The following HIVEP1 variants were observed in gnomAD, a reference collection of about 807,000 sequenced individuals.
HIVEP1 encodes HIVEP zinc finger 1.
Under a neutral mutation model 180.0 loss-of-function variants are expected in HIVEP1, and 36 were observed. That is an observed-to-expected ratio of 0.20 (90% CI 0.15 to 0.26). HIVEP1 has a LOEUF of 0.26. Among genes scored for constraint, HIVEP1 ranks in the 10% least tolerant of loss-of-function variants. The probability of loss-of-function intolerance (pLI) is 1.00; values close to 1 mark genes in which losing one functional copy is unlikely to be tolerated. For synonymous variants in HIVEP1, 1,239 were observed against 1,239.0 expected, an observed-to-expected ratio of 1.00 and a Z score of 0.00; for missense variants, 3,143 against 3,268.7, an observed-to-expected ratio of 0.96 and a Z score of 0.94.
intron 3 of HIVEP1, among the ~76,000 whole-genome samples, chr6:12,108,253 G>T (rs12216358): frequency 1.5e-4 from 23 of 152,002 alleles, no homozygotes; most frequent in African/African-American, 2.7e-4. Flanking sequence ...GCCGATTGGT[G>T]TATTTACAAT....
intron 2 of HIVEP1, among the ~76,000 whole-genome samples, chr6:12,070,811 C>T (rs75662687): frequency 0.15 from 22,661 of 152,140 alleles, 2,220 homozygotes; most frequent in Non-Finnish European, 0.22. Flanking sequence ...TTTAGGTTAC[C>T]GTTTATTTCC....
At chr6:12,181,596 T>C in the HIVEP1 span, among the ~76,000 whole-genome samples, 1 of 151,976 alleles carries the variant, frequency 6.6e-6, no homozygotes, top group Non-Finnish European at 1.5e-5. Flanking sequence ...GCTTATAAAC[T>C]CTATCAGATC....
intron 3 of HIVEP1, among the ~76,000 whole-genome samples, chr6:12,115,136 G>C (rs1209870130): frequency 1.3e-5 from 2 of 152,118 alleles, no homozygotes; most frequent in Non-Finnish European, 2.9e-5. Context: ...TGGCAACTAA[G>C]ATGCACTCTT....
At chr6:12,210,538 G>GA in the HIVEP1 span, among the ~76,000 whole-genome samples, 1 of 152,048 alleles carries the variant, frequency 6.6e-6, no homozygotes, top group South Asian at 2.1e-4. Flanking sequence ...TAAAAAAATA[G>GA]AAAAAAATCT....
chr6:12,160,253 C>G (rs1366316881), intron 7 of HIVEP1, among the ~76,000 whole-genome samples: 1 of 152,128 alleles, frequency 6.6e-6, no homozygotes, highest in African/African-American at 2.4e-5. Flanking sequence ...AAACTATTTC[C>G]TGGATCATCT....
At chr6:12,176,149 T>G in the HIVEP1 span, among the ~76,000 whole-genome samples, 1 of 152,114 alleles carries the variant, frequency 6.6e-6, no homozygotes, top group Non-Finnish European at 1.5e-5. Flanking sequence ...CTGAGTGACA[T>G]TGTTAAGCAG....
chr6:12,203,092 T>C, the HIVEP1 span, among the ~76,000 whole-genome samples: 1 of 152,228 alleles, frequency 6.6e-6, no homozygotes, highest in Admixed American at 6.5e-5. Flanking sequence ...CATTTTGTGG[T>C]TGGACTCTAA....
chr6:12,179,346 A>G, the HIVEP1 span, among the ~76,000 whole-genome samples: 1 of 151,716 alleles, frequency 6.6e-6, no homozygotes, highest in African/African-American at 2.4e-5. Flanking sequence ...CTCACCTCCT[A>G]TCATTTTTTG....
intron 2 of HIVEP1, among the ~76,000 whole-genome samples, chr6:12,023,389 A>G (rs1253472288): frequency 6.6e-6 from 1 of 152,190 alleles, no homozygotes; most frequent in African/African-American, 2.4e-5. Context: ...TTCACATTTG[A>G]ATGTTAGGTC....
Position 12,063,132 on chromosome 6 carries a change from AAGG to A in HIVEP1, c.41-26047_41-26045del, listed in dbSNP as rs1277024366. Among the ~76,000 whole-genome samples, 10 of 152,362 alleles carry A rather than the reference AAGG, an allele frequency of 6.6e-5. No homozygotes were observed. Among genetic ancestry groups the A allele is most frequent in the South Asian group, 4.1e-4 (2 of 4,834 alleles). The stretch of plus-strand genomic sequence containing the variant: ...TTTTTGGAAATAGTTAATAGAATAA[AAGG>A]AGGAATAAAGAGGATATGATTAAAG... On this transcript the variant is annotated intron_variant, in intron 2 of 8. Coordinates refer to ENST00000379388, the MANE Select transcript of HIVEP1 (RefSeq NM_002114.4). This position sits in a 1 kb window ranked among gnomAD's most constrained non-coding sequence, Gnocchi z 4.2.
chr6:12,196,949 A>T, the HIVEP1 span, among the ~76,000 whole-genome samples: 3 of 152,234 alleles, frequency 2.0e-5, no homozygotes, highest in African/African-American at 7.2e-5. Flanking sequence ...AATGAGGAAT[A>T]AAAAATGTAT....
the HIVEP1 span, among the ~76,000 whole-genome samples, chr6:12,176,275 C>T: frequency 6.6e-6 from 1 of 150,972 alleles, no homozygotes; most frequent in Non-Finnish European, 1.5e-5. Context: ...CTCTTGTCCC[C>T]CAGGCTGGAG....
At position 12,033,400 on chromosome 6, in the gene HIVEP1, A is replaced by C. The variant is rs1025640700; in HGVS notation, c.40+17732A>C. Among the ~76,000 whole-genome samples, 15 of 152,010 alleles carry C rather than the reference A, an allele frequency of 9.9e-5. 1 individual carries two copies. Among genetic ancestry groups the C allele is most frequent in the African/African-American group, 3.4e-4 (14 of 41,372 alleles). ...TACAATGAGAGACAGTAGCATTGTT[A>C]TGTCGACATTCTCAGGCCATGATTA... On this transcript the variant is annotated intron_variant, in intron 2 of 8. Coordinates refer to ENST00000379388, the MANE Select transcript of HIVEP1 (RefSeq NM_002114.4).
chr6:12,040,270 A>G (rs1241316070), intron 2 of HIVEP1, among the ~76,000 whole-genome samples: 5 of 152,168 alleles, frequency 3.3e-5, no homozygotes, highest in African/African-American at 1.2e-4. Context: ...AGGTGGTGCA[A>G]ATCTTTTATG....
chr6:12,211,009 G>A, the HIVEP1 span, among the ~76,000 whole-genome samples: 2 of 151,850 alleles, frequency 1.3e-5, no homozygotes, highest in Non-Finnish European at 1.5e-5. Context: ...ACTCCCTAGA[G>A]GTGTATCTGA....
chr6:12,076,708 C>T (rs2113802157), intron 2 of HIVEP1, among the ~76,000 whole-genome samples: 1 of 152,232 alleles, frequency 6.6e-6, no homozygotes, highest in African/African-American at 2.4e-5. Context: ...GCCCAGTAGA[C>T]CCTGCCTCCC....
rs375744534 is a variant in HIVEP1 at position 12,122,514 on chromosome 6, G to A, written c.2719G>A (p.Ala907Thr). Reference sequence around the variant, plus strand: ...ACAAGCAGCCATAGAAGACTCTTCAGCAAATGAAAGTCATGTTCTTGGTAC... The same window carrying A: ...ACAAGCAGCCATAGAAGACTCTTCAACAAATGAAAGTCATGTTCTTGGTAC... ...VRQAAIEDSS[A>T]NESHVLGTGQ... The change falls in exon 4 of 9, where the codon GCA becomes ACA. Residue 907 changes from alanine to threonine, a missense_variant. Transcript: ENST00000379388. 8.7e-6 allele frequency: 14 copies of A among 1,614,076 alleles called. No individual in the cohort carries two copies. Among genetic ancestry groups the A allele is most frequent in the African/African-American group, 1.3e-5 (1 of 74,920 alleles).
intron 2 of HIVEP1, among the ~76,000 whole-genome samples, chr6:12,055,857 A>G (rs1770833556): frequency 6.6e-6 from 1 of 152,264 alleles, no homozygotes; most frequent in African/African-American, 2.4e-5. Context: ...AGCCCAAGAC[A>G]AGTGTTCTAT....
chr6:12,018,112 G>C (rs1581500043), intron 2 of HIVEP1, among the ~76,000 whole-genome samples: 1 of 152,378 alleles, frequency 6.6e-6, no homozygotes, highest in African/African-American at 2.4e-5. Context: ...CAGCACCAGT[G>C]GGCCGGCACT....
Sources: gnomAD v4.1 joint callset for allele counts (sites outside exome capture counted in the v4.1 genomes callset) on GRCh38, gnomAD v4.1.1 for gene constraint, Gnocchi (gnomAD v3.1) non-coding constraint, MANE v1.5 for transcripts, NCBI Gene and HGNC (gene_info 2026-07-23, HGNC 2026-07-21) for gene names.